Variants in INTS7 observed in about 807,000 individuals in gnomAD.
INTS7 encodes chromosome 1 open reading frame 73.
A neutral mutation model predicts 109.2 loss-of-function variants in INTS7; 46 were observed. The observed-to-expected ratio is 0.42, with a 90% CI of 0.33 to 0.54. INTS7 has a LOEUF of 0.54. Ranked by LOEUF, INTS7 falls within the 20% of genes least tolerant of loss-of-function variation. The pLI is 0.07. For synonymous variants in INTS7, 412 were observed against 402.9 expected (o/e 1.02, Z -0.27); for missense variants, 929 against 1,132.4 (o/e 0.82, Z 2.58).
At chr1:211,995,829 T>C (rs1665356598) in intron 7 of INTS7, among the ~76,000 whole-genome samples, 1 of 152,100 alleles carries the variant, frequency 6.6e-6, no homozygotes, top group Admixed American at 6.6e-5. Flanking sequence ...CCTTCCACCA[T>C]GTGAGGGCCA....
At chr1:212,009,666 C>G (rs1666080257) in intron 5 of INTS7, among the ~76,000 whole-genome samples, 1 of 152,164 alleles carries the variant, frequency 6.6e-6, no homozygotes, top group Admixed American at 6.5e-5. Flanking sequence ...CCTGACCATG[C>G]CTTTGTGAAT....
intron 7 of INTS7, among the ~76,000 whole-genome samples, chr1:212,002,405 A>T (rs2102461328): frequency 6.6e-6 from 1 of 152,358 alleles, no homozygotes; most frequent in African/African-American, 2.4e-5. Flanking sequence ...CTCTGCTCAG[A>T]ATCTTCCAGA....
chr1:211,981,509 C>T (rs961195582), intron 9 of INTS7, among the ~76,000 whole-genome samples: 1 of 152,136 alleles, frequency 6.6e-6, no homozygotes, highest in South Asian at 2.1e-4. Flanking sequence ...AAGGAAAATA[C>T]TAAGAACAGC....
Position 211,975,458 on chromosome 1 carries a change from A to G in INTS7, c.1609-86T>C, listed in dbSNP as rs1415234852. 6 of 950,466 alleles carry G rather than the reference A, an allele frequency of 6.3e-6. No homozygotes were observed. In the African/African-American group the frequency reaches 9.8e-5, roughly 16 times the overall value. The allele number at this position is 950,466 out of a possible 1,614,324, so 58.9% of individuals were successfully genotyped here. A position where few individuals can be genotyped will look rare whatever the true frequency, so the allele number is the denominator to read the frequency against. The stretch of plus-strand genomic sequence containing the variant: ...TTGAAAGAGTTGATGCAGCAGCTAA[A>G]AGAGAAACCCAAACCTTGGATAAGT... On this transcript the variant is annotated intron_variant, in intron 12 of 19. Coordinates refer to ENST00000366994, the MANE Select transcript of INTS7 (RefSeq NM_015434.4).
intron 16 of INTS7, 67 bp downstream of exon 16, chr1:211,966,363 G>A: frequency 1.1e-6 from 1 of 888,208 alleles, no homozygotes; most frequent in Non-Finnish European, 1.8e-6. Context: ...ATAGTCTTCT[G>A]ATGATTAGGT....
chr1:211,989,374 T>A (rs1437110590), intron 7 of INTS7, among the ~76,000 whole-genome samples: 6 of 148,338 alleles, frequency 4.0e-5, no homozygotes, highest in Middle Eastern at 3.5e-3. Context: ...TAAAACTATA[T>A]CCCTGTTTTT....
At chr1:211,994,537 C>T (rs1289603743) in intron 7 of INTS7, among the ~76,000 whole-genome samples, 2 of 151,146 alleles carry the variant, frequency 1.3e-5, no homozygotes, top group Non-Finnish European at 2.9e-5. Flanking sequence ...AATTCTCCTG[C>T]CTCGGCCTCC....
At chr1:211,944,500 C>T (rs1428707457) in intron 19 of INTS7, among the ~76,000 whole-genome samples, 1 of 152,198 alleles carries the variant, frequency 6.6e-6, no homozygotes, top group Non-Finnish European at 1.5e-5. Flanking sequence ...GTTAGAAAGG[C>T]CTTGCTGCCA....
intron 18 of INTS7, among the ~76,000 whole-genome samples, chr1:211,945,592 T>G (rs982346454): frequency 6.6e-6 from 1 of 152,262 alleles, no homozygotes; most frequent in African/African-American, 2.4e-5. Flanking sequence ...TGATCAACCC[T>G]GGAGACATCC....
chr1:211,951,708 GA>G (rs1207818970), intron 17 of INTS7, among the ~76,000 whole-genome samples: 2 of 152,234 alleles, frequency 1.3e-5, no homozygotes, highest in Non-Finnish European at 2.9e-5. Context: ...GGGCCAGGAA[GA>G]AAGTCCTCAC....
At chr1:211,943,050 T>C (rs1558018286) in intron 19 of INTS7, among the ~76,000 whole-genome samples, 1 of 152,134 alleles carries the variant, frequency 6.6e-6, no homozygotes, top group Non-Finnish European at 1.5e-5. Flanking sequence ...CACCAACCAA[T>C]TCAAGGTCTT....
intron 7 of INTS7, among the ~76,000 whole-genome samples, chr1:211,990,618 T>C (rs1433933481): frequency 6.6e-6 from 1 of 152,054 alleles, no homozygotes; most frequent in Non-Finnish European, 1.5e-5. Context: ...GCAGCAAAAA[T>C]TATCATGAAA....
chr1:211,985,459 TTATC>T (rs1284891498), intron 8 of INTS7, among the ~76,000 whole-genome samples: 1 of 152,184 alleles, frequency 6.6e-6, no homozygotes, highest in Admixed American at 6.5e-5. Flanking sequence ...TTTATAAATA[TTATC>T]TATTTATTTA....
At chr1:211,981,329 C>T (rs1664656822) in intron 9 of INTS7, 139 bp from the exon 10 acceptor site, 1 of 499,476 alleles carries the variant, frequency 2.0e-6, no homozygotes, top group Non-Finnish European at 3.6e-6. Flanking sequence ...ATGAACCTAA[C>T]CTTCCTTGAA....
At chr1:211,968,825 G>A (rs1286136801) in intron 13 of INTS7, 118 bp from the exon 14 acceptor site, 61 of 610,756 alleles carry the variant, frequency 1.0e-4, no homozygotes, top group Middle Eastern at 4.5e-4. Context: ...AAACACTGAC[G>A]GATAAAGACC....
intron 16 of INTS7, among the ~76,000 whole-genome samples, chr1:211,960,832 T>C (rs1289083005): frequency 6.6e-6 from 1 of 151,732 alleles, no homozygotes; most frequent in Non-Finnish European, 1.5e-5. Flanking sequence ...GGCCAACATG[T>C]TGAAATCCCG....
In INTS7 at chr1:211,976,243, A is replaced by G. The variant is rs1664413066; in HGVS notation, c.1608+339T>C. On this transcript the variant is annotated intron_variant, in intron 12 of 19. Transcript: ENST00000366994. ...TAAGAATGACAAGACTGGGGAGAGG[A>G]ACAAAGATGTGGTATACTGAGAAAG... 2.0e-5 allele frequency among the ~76,000 whole-genome samples: 3 copies of G among 152,186 alleles called. No homozygotes were observed. The South Asian group carries it at 6.2e-4, about 32-fold the overall frequency.
intron 13 of INTS7, among the ~76,000 whole-genome samples, chr1:211,970,094 G>C (rs543994873): frequency 6.6e-6 from 1 of 152,188 alleles, no homozygotes; most frequent in African/African-American, 2.4e-5. Context: ...CTGTAGCTCA[G>C]ATTAATTTTA....
chr1:212,033,701 G>C (rs1052105406), intron 1 of INTS7, among the ~76,000 whole-genome samples: 1 of 152,158 alleles, frequency 6.6e-6, no homozygotes, highest in African/African-American at 2.4e-5. Flanking sequence ...CTTAGAACTC[G>C]TAGGGATATT....
Sources: allele counts gnomAD v4.1 joint callset (sites outside exome capture counted in the v4.1 genomes callset), GRCh38; gene constraint gnomAD v4.1.1; transcripts MANE v1.5; gene names NCBI Gene and HGNC (gene_info 2026-07-23, HGNC 2026-07-21).